FBXL17: variants seen among roughly 807,000 people sequenced by gnomAD.
The protein encoded by FBXL17 is F-box and leucine rich repeat protein 17.
Under a neutral mutation model 66.2 loss-of-function variants are expected in FBXL17, and 22 were observed. The ratio of observed to expected loss-of-function variants is 0.33; its 90% CI spans 0.24 to 0.47. The LOEUF (loss-of-function observed/expected upper bound fraction) is 0.47, where lower values mean the gene tolerates loss of function less well. Among genes scored for constraint, FBXL17 ranks in the 20% least tolerant of loss-of-function variants. The probability of loss-of-function intolerance (pLI) is 1.00; values close to 1 mark genes in which losing one functional copy is unlikely to be tolerated. For missense variants in FBXL17, 878 were observed against 948.2 expected (o/e 0.93, Z 0.97); for synonymous variants, 474 against 400.5 (o/e 1.18, Z -2.19).
At chr5:108,170,293 C>T (rs1243299443) in intron 6 of FBXL17, among the ~76,000 whole-genome samples, 1 of 152,030 alleles carries the variant, frequency 6.6e-6, no homozygotes, top group African/African-American at 2.4e-5. Flanking sequence ...TAATATTTAA[C>T]AAGCAAGAAA....
At chr5:108,134,891 T>C (rs1282848748) in intron 6 of FBXL17, among the ~76,000 whole-genome samples, 2 of 152,176 alleles carry the variant, frequency 1.3e-5, no homozygotes, top group Non-Finnish European at 2.9e-5. Context: ...CTCTTCCTTA[T>C]TGACAAAAAC....
intron 7 of FBXL17, among the ~76,000 whole-genome samples, chr5:108,017,969 T>A (rs1237247797): frequency 6.6e-6 from 1 of 152,068 alleles, no homozygotes; most frequent in Non-Finnish European, 1.5e-5. Flanking sequence ...ATACTACATT[T>A]AACACCTGTG....
intron 1 of FBXL17, among the ~76,000 whole-genome samples, chr5:108,376,366 T>C (rs966835558): frequency 6.6e-6 from 1 of 152,166 alleles, no homozygotes; most frequent in Non-Finnish European, 1.5e-5. Context: ...TGGTCTTATA[T>C]AGAGAAAATC....
intron 6 of FBXL17, among the ~76,000 whole-genome samples, chr5:108,096,305 A>G (rs1403140223): frequency 1.3e-5 from 2 of 152,184 alleles, no homozygotes; most frequent in East Asian, 3.8e-4. Flanking sequence ...TGCAAATAGA[A>G]AATATAGTGT....
At position 108,380,757 on chromosome 5, in the gene FBXL17, C is replaced by T; in HGVS notation, c.935G>A (p.Arg312Lys). 8.0e-7 allele frequency: 1 copy of T among 1,249,600 alleles called. No homozygotes were observed. Among genetic ancestry groups the T allele is most frequent in the East Asian group, 3.2e-5 (1 of 31,706 alleles). The allele number at this position is 1,249,600 out of a possible 1,614,324, so 77.4% of individuals were successfully genotyped here. ...GTCTGGGGTTTCGGGGGGCGGCTCC[C>T]TGTGACAGTCGCAGGGGTTTTCGGG... is the stretch of plus-strand genomic sequence containing the variant. ...ESPENPCDCH[R>K]EPPPETPDIN... Residue 312 changes from arginine to lysine, a missense_variant, in exon 1 of 9, where the codon AGG (arginine) becomes AAG (lysine). Arg to Lys is a conservative substitution (Grantham distance 26). This residue lies in a region of FBXL17 where 605 missense variants were observed against 509.5 expected (regional missense o/e 1.19). Coordinates refer to ENST00000542267, the MANE Select transcript of FBXL17 (RefSeq NM_001163315.3).
rs557959580 is a variant in FBXL17 at position 108,157,250 on chromosome 5, A to G, written c.1745+28867T>C. ...ATAATTAGAGAAAAAAATTAAATAA[A>G]TAAATGAAAGGGGAAAGGTTTCTGT... On this transcript the variant is annotated intron_variant, in intron 6 of 8. Transcript: ENST00000542267. Among the ~76,000 whole-genome samples the G allele has an allele frequency of 4.6e-5, 7 of 151,808 alleles. No individual in the cohort carries two copies. In the East Asian group the frequency reaches 1.2e-3, roughly 25 times the overall value.
chr5:108,053,087 T>C (rs906923998), intron 6 of FBXL17, among the ~76,000 whole-genome samples: 5 of 152,076 alleles, frequency 3.3e-5, no homozygotes, highest in Admixed American at 2.0e-4. Context: ...CCCAAAACCA[T>C]AAAAACTCTA....
intron 6 of FBXL17, among the ~76,000 whole-genome samples, chr5:108,075,821 A>G (rs1002612284): frequency 6.6e-6 from 1 of 152,056 alleles, no homozygotes; most frequent in Non-Finnish European, 1.5e-5. Flanking sequence ...TCTCACAGCT[A>G]AACTTTTAAA....
chr5:107,991,394 G>A (rs184258749), intron 7 of FBXL17, among the ~76,000 whole-genome samples: 18 of 152,290 alleles, frequency 1.2e-4, no homozygotes, highest in Middle Eastern at 6.8e-3. Flanking sequence ...TTTGGGGGGT[G>A]GGGTTGAGGT....
intron 8 of FBXL17, chr5:107,878,877 C>CA (rs1748694257): frequency 1.0e-6 from 1 of 985,376 alleles, no homozygotes; most frequent in South Asian, 4.7e-5. Context: ...GGCTGCACTG[C>CA]AGCAGGCTCT....
chr5:108,313,699 A>G (rs1256860407), intron 4 of FBXL17, among the ~76,000 whole-genome samples: 1 of 152,006 alleles, frequency 6.6e-6, no homozygotes, highest in Non-Finnish European at 1.5e-5. Flanking sequence ...TAAGATATGG[A>G]TTACTGTTTC....
intron 4 of FBXL17, among the ~76,000 whole-genome samples, chr5:108,266,681 T>C (rs1043871274): frequency 6.6e-6 from 1 of 152,106 alleles, no homozygotes; most frequent in Non-Finnish European, 1.5e-5. Flanking sequence ...CTAAAATCAA[T>C]GGTAAGAACG....
chr5:108,203,512 C>G (rs574578863), intron 5 of FBXL17, among the ~76,000 whole-genome samples: 1 of 152,046 alleles, frequency 6.6e-6, no homozygotes, highest in Non-Finnish European at 1.5e-5. Context: ...TAAAAAGTAG[C>G]AAAAGCATGG....
At chr5:108,253,196 G>C (rs1321828483) in intron 4 of FBXL17, among the ~76,000 whole-genome samples, 1 of 152,068 alleles carries the variant, frequency 6.6e-6, no homozygotes, top group Non-Finnish European at 1.5e-5. Flanking sequence ...TTCCTTGTAA[G>C]ACAGGTTCCA....
intron 4 of FBXL17, among the ~76,000 whole-genome samples, chr5:108,319,885 G>GA (rs978829390): frequency 6.6e-6 from 1 of 151,610 alleles, no homozygotes; most frequent in African/African-American, 2.4e-5. Context: ...AGTGTGCAGT[G>GA]AAAAATAAAC....
At chr5:108,224,037 C>T (rs1754986367) in intron 5 of FBXL17, 84 bp downstream of exon 5, 1 of 579,034 alleles carries the variant, frequency 1.7e-6, no homozygotes, top group Non-Finnish European at 3.1e-6. Context: ...CTGACTGTCC[C>T]TTATTCAAGT....
chr5:108,371,129 A>G (rs1749012571), intron 1 of FBXL17, among the ~76,000 whole-genome samples: 1 of 152,158 alleles, frequency 6.6e-6, no homozygotes, highest in South Asian at 2.1e-4. Context: ...AGAAGACTTG[A>G]TTTTTGGTTT....
chr5:108,318,414 A>T (rs963240583), intron 4 of FBXL17, among the ~76,000 whole-genome samples: 1 of 151,782 alleles, frequency 6.6e-6, no homozygotes, highest in African/African-American at 2.4e-5. Flanking sequence ...TTTGATTTCC[A>T]AATAAATCCC....
chr5:108,045,655 G>A (rs1747226607), intron 6 of FBXL17, among the ~76,000 whole-genome samples: 1 of 151,958 alleles, frequency 6.6e-6, no homozygotes, highest in African/African-American at 2.4e-5. Context: ...ATTGTATTTT[G>A]TATTTTCATG....
Sources: allele counts gnomAD v4.1 joint callset (sites outside exome capture counted in the v4.1 genomes callset), GRCh38; gene constraint gnomAD v4.1.1; regional missense constraint gnomAD v4.1.1; transcripts MANE v1.5; gene names NCBI Gene and HGNC (gene_info 2026-07-23, HGNC 2026-07-21).